Variants in DNAJC24 observed in about 807,000 individuals in gnomAD.
DNAJC24 encodes DnaJ heat shock protein family (Hsp40) member C24, also known as dnaJ homolog subfamily C member 24.
Under a neutral mutation model 18.0 loss-of-function variants are expected in DNAJC24, and 17 were observed. The ratio of observed to expected loss-of-function variants is 0.94; its 90% CI spans 0.65 to 1.42. The LOEUF is 1.42. Ranked by LOEUF, DNAJC24 falls within the 40% of genes most tolerant of loss-of-function variation. The pLI is 0.00. For missense variants in DNAJC24, 158 were observed against 175.6 expected (o/e 0.90, Z 0.57); for synonymous variants, 55 against 57.7 (o/e 0.95, Z 0.21).
rs772706681 is a variant in DNAJC24, at chr11:31,370,864, G to A, written c.111+5G>A. ...TATCAAAAACTCATATTAATGGTAAGTCTTTTCTTTCAGATTTTAAATCAT... is the reference window on the plus strand; with the variant it reads ...TATCAAAAACTCATATTAATGGTAAATCTTTTCTTTCAGATTTTAAATCAT... On this transcript the variant is annotated splice_donor_5th_base_variant and intron_variant, in intron 2 of 4. Coordinates refer to ENST00000465995, the MANE Select transcript of DNAJC24 (RefSeq NM_181706.5). The A allele has an allele frequency of 5.2e-6, 8 of 1,542,026 alleles. No homozygotes were observed. Among genetic ancestry groups the A allele is most frequent in the Non-Finnish European group, 6.2e-6 (7 of 1,130,492 alleles).
rs553105170 is a variant in DNAJC24 at position 31,371,294 on chromosome 11, TA to T, written c.111+438del. On this transcript the variant is annotated intron_variant, in intron 2 of 4. Transcript: ENST00000465995. ...TAAGGGTAAAATATACACTGGATTTTAAAGACAGTATTTAAAAGGAATTAAA... is the reference window on the plus strand; with the variant it reads ...TAAGGGTAAAATATACACTGGATTTTAAGACAGTATTTAAAAGGAATTAAA... Among the ~76,000 whole-genome samples, 865 of 152,324 alleles carry T rather than the reference TA, an allele frequency of 5.7e-3. 7 individuals are homozygous for T. The highest frequency in any genetic ancestry group is 0.02 in the African/African-American group (833 of 41,576).
chr11:31,428,904 A>G (rs1208141580), intron 4 of DNAJC24, among the ~76,000 whole-genome samples: 1 of 152,156 alleles, frequency 6.6e-6, no homozygotes, highest in Non-Finnish European at 1.5e-5. Context: ...ACAGTAGCCC[A>G]TGGTGTCCTC....
intron 3 of DNAJC24, among the ~76,000 whole-genome samples, chr11:31,421,501 C>T (rs1272824596): frequency 6.6e-6 from 1 of 152,196 alleles, no homozygotes; most frequent in Non-Finnish European, 1.5e-5. Flanking sequence ...ATATTATGGA[C>T]AGAGCTGCAG....
rs1591897372 is a variant in DNAJC24, at chr11:31,374,869, T to C, written c.111+4010T>C. Among the ~76,000 whole-genome samples the C allele has an allele frequency of 5.9e-5, 8 of 135,622 alleles. 1 individual carries two copies. In the South Asian group the frequency reaches 2.0e-3, roughly 34 times the overall value. The allele number at this position is 135,622 out of a possible 152,430, so 89.0% of individuals were successfully genotyped here. On this transcript the variant is annotated intron_variant, in intron 2 of 4. Coordinates refer to ENST00000465995, the MANE Select transcript of DNAJC24 (RefSeq NM_181706.5). ...TTATCATTTATTGATGAATTTTCCATCTCTTCAAATTTTGGTGTCTTTTGC... is the reference window on the plus strand; with the variant it reads ...TTATCATTTATTGATGAATTTTCCACCTCTTCAAATTTTGGTGTCTTTTGC...
chr11:31,398,052 C>T (rs577591172), intron 2 of DNAJC24, among the ~76,000 whole-genome samples: 4 of 152,276 alleles, frequency 2.6e-5, no homozygotes, highest in African/African-American at 7.2e-5. Context: ...CCTCCTGCCT[C>T]GGCCTCCCAA....
intron 3 of DNAJC24, among the ~76,000 whole-genome samples, chr11:31,420,958 C>G (rs540121189): frequency 6.6e-6 from 1 of 152,254 alleles, no homozygotes; most frequent in Non-Finnish European, 1.5e-5. Flanking sequence ...TCAGTGAGCA[C>G]TGGGTTTACC....
At chr11:31,371,720 T>C (rs1259278064) in intron 2 of DNAJC24, among the ~76,000 whole-genome samples, 1 of 152,176 alleles carries the variant, frequency 6.6e-6, no homozygotes, top group Non-Finnish European at 1.5e-5. Context: ...ATTTTACTTT[T>C]TTAACATTGC....
Position 31,430,338 on chromosome 11 carries a change from A to G in DNAJC24, c.387A>G (p.Glu129=), listed in dbSNP as rs199583903. 3.7e-3 allele frequency: 6,000 copies of G among 1,611,790 alleles called. 18 individuals carry two copies. Among genetic ancestry groups the G allele is most frequent in the Non-Finnish European group, 4.6e-3 (5,421 of 1,178,336 alleles). Residue 129 remains glutamate, a synonymous_variant, in exon 5 of 5, where the codon GAA becomes GAG. Transcript: ENST00000465995. ...ACAGTGTTTCCAAGGATGAAGCGGAAGAAGTTAGCCTGATTTCTTGTGATA... is the reference window on the plus strand; with the variant it reads ...ACAGTGTTTCCAAGGATGAAGCGGAGGAAGTTAGCCTGATTTCTTGTGATA... The part of the protein sequence containing the change: ...GKYSVSKDEA[E]EVSLISCDTC...
chr11:31,407,297 C>T (rs1344388509), intron 2 of DNAJC24, among the ~76,000 whole-genome samples: 1 of 152,090 alleles, frequency 6.6e-6, no homozygotes, highest in East Asian at 1.9e-4. Flanking sequence ...CAAAACAGCA[C>T]AATCACAAGT....
At chr11:31,403,029 G>A (rs993117645) in intron 2 of DNAJC24, among the ~76,000 whole-genome samples, 1 of 151,894 alleles carries the variant, frequency 6.6e-6, no homozygotes, top group Non-Finnish European at 1.5e-5. Flanking sequence ...TAAATTCTTA[G>A]CTATTCACTA....
rs200581474 is a variant in DNAJC24, at chr11:31,388,075, G to GA, written c.111+17225dup. Among the ~76,000 whole-genome samples the GA allele has an allele frequency of 7.1e-4, 105 of 147,870 alleles. No homozygotes were observed. The Middle Eastern group carries it at 0.021, about 29-fold the overall frequency. On this transcript the variant is annotated intron_variant, in intron 2 of 4. Transcript: ENST00000465995. ...GAAAATACAGTCACAAGGGACAAAAGAAAAAAAAATAAAAAAAGAAGGAAG... is the reference window on the plus strand; with the variant it reads ...GAAAATACAGTCACAAGGGACAAAAGAAAAAAAAAATAAAAAAAGAAGGAAG...
At chr11:31,380,159 A>G (rs1032699364) in intron 2 of DNAJC24, among the ~76,000 whole-genome samples, 1 of 152,192 alleles carries the variant, frequency 6.6e-6, no homozygotes, top group African/African-American at 2.4e-5. Flanking sequence ...GCATTATTAT[A>G]TTTATCACAT....
intron 2 of DNAJC24, among the ~76,000 whole-genome samples, chr11:31,387,634 C>T (rs1193663524): frequency 6.6e-6 from 1 of 152,124 alleles, no homozygotes; most frequent in East Asian, 1.9e-4. Flanking sequence ...AATGCCTTCC[C>T]AAGAAGGACA....
intron 2 of DNAJC24, among the ~76,000 whole-genome samples, chr11:31,393,313 T>C (rs1564950407): frequency 6.6e-6 from 1 of 152,166 alleles, no homozygotes; most frequent in Non-Finnish European, 1.5e-5. Flanking sequence ...GAGCCTTATA[T>C]GCAGATCCTC....
chr11:31,410,014 G>C (rs968611137), intron 2 of DNAJC24, among the ~76,000 whole-genome samples: 5 of 151,598 alleles, frequency 3.3e-5, no homozygotes. Context: ...CTCCTGGGTA[G>C]CTGGGACTAC....
chr11:31,398,710 T>A (rs1952569069), intron 2 of DNAJC24, among the ~76,000 whole-genome samples: 1 of 152,118 alleles, frequency 6.6e-6, no homozygotes, highest in African/African-American at 2.4e-5. Context: ...ATGATCAAGA[T>A]CAATTAATAT....
intron 2 of DNAJC24, among the ~76,000 whole-genome samples, chr11:31,389,052 G>A (rs967648397): frequency 1.6e-4 from 25 of 151,588 alleles, no homozygotes; most frequent in East Asian, 3.9e-4. Context: ...ACATACCACC[G>A]GAGAAAATCA....
intron 3 of DNAJC24, chr11:31,415,240 G>A (rs1952742440): frequency 8.7e-6 from 2 of 229,536 alleles, no homozygotes; most frequent in Non-Finnish European, 1.7e-5. Context: ...TGCTTTATAT[G>A]TTTAAAAACT....
At chr11:31,427,992 C>G (rs1325151825) in intron 4 of DNAJC24, 1 of 145,466 alleles carries the variant, frequency 6.9e-6, no homozygotes, top group Non-Finnish European at 1.5e-5. Flanking sequence ...AAAAAAAAAA[C>G]AAGCATAGCA....
Sources: allele counts gnomAD v4.1 joint callset (sites outside exome capture counted in the v4.1 genomes callset), GRCh38; gene constraint gnomAD v4.1.1; transcripts MANE v1.5; gene names NCBI Gene and HGNC (gene_info 2026-07-23, HGNC 2026-07-21).